The following SSBP2 variants were observed in gnomAD, a reference collection of about 807,000 sequenced individuals.
SSBP2 encodes single stranded DNA binding protein 2.
SSBP2 carries 17 observed loss-of-function variants against 61.8 expected under a neutral mutation model. That is an observed-to-expected ratio of 0.28 (90% CI 0.19 to 0.41). The LOEUF (loss-of-function observed/expected upper bound fraction) is 0.41, where lower values mean the gene tolerates loss of function less well. Among genes scored for constraint, SSBP2 ranks in the 10% least tolerant of loss-of-function variants. The probability of loss-of-function intolerance (pLI) is 1.00; values close to 1 mark genes in which losing one functional copy is unlikely to be tolerated. For missense variants in SSBP2, 310 were observed against 458.7 expected, an observed-to-expected ratio of 0.68 and a Z score of 2.96; for synonymous variants, 139 against 141.3, an observed-to-expected ratio of 0.98 and a Z score of 0.12.
intron 1 of SSBP2, among the ~76,000 whole-genome samples, chr5:81,749,646 C>T (rs1757585952): frequency 6.7e-6 from 1 of 149,814 alleles, no homozygotes; most frequent in African/African-American, 2.4e-5. Flanking sequence ...TACTGGGAAT[C>T]ACTGATCTGT....
At chr5:81,635,578 CA>C (rs943153255) in intron 3 of SSBP2, among the ~76,000 whole-genome samples, 5 of 144,254 alleles carry the variant, frequency 3.5e-5, no homozygotes, top group African/African-American at 1.3e-4. Flanking sequence ...TTGTAGAAAG[CA>C]ATTTTTTTTT....
chr5:81,488,042 T>TATATATATATATAC (rs1561459348), intron 6 of SSBP2, among the ~76,000 whole-genome samples: 2 of 24,458 alleles, frequency 8.2e-5, no homozygotes, highest in African/African-American at 1.6e-3. Context: ...TATATATATA[T>TATATATATATATAC]ATATATATAT....
chr5:81,586,910 C>A (rs1775099339), intron 4 of SSBP2, among the ~76,000 whole-genome samples: 1 of 151,930 alleles, frequency 6.6e-6, no homozygotes, highest in Non-Finnish European at 1.5e-5. Context: ...CTTGGGCGCT[C>A]AGTCTCTAGG....
chr5:81,515,409 C>A (rs1301831698), intron 4 of SSBP2, among the ~76,000 whole-genome samples: 1 of 151,972 alleles, frequency 6.6e-6, no homozygotes, highest in African/African-American at 2.4e-5. Context: ...GGAAATCACA[C>A]TCACCTGTAC....
intron 1 of SSBP2, among the ~76,000 whole-genome samples, chr5:81,677,813 G>T (rs930050816): frequency 2.8e-5 from 4 of 144,578 alleles, no homozygotes; most frequent in African/African-American, 7.8e-5. Flanking sequence ...CAGACATCTT[G>T]TCCCACCTTA....
intron 4 of SSBP2, among the ~76,000 whole-genome samples, chr5:81,545,953 C>T (rs1580983553): frequency 6.6e-6 from 1 of 152,186 alleles, no homozygotes; most frequent in East Asian, 1.9e-4. Flanking sequence ...CCTTCCCTTC[C>T]TTTTCCCTAA....
chr5:81,552,582 G>C (rs955005090), intron 4 of SSBP2, among the ~76,000 whole-genome samples: 1 of 150,518 alleles, frequency 6.6e-6, no homozygotes, highest in African/African-American at 2.5e-5. Context: ...AGGATGCAGT[G>C]AGCTGAGATC....
At chr5:81,526,787 T>C (rs1325447893) in intron 4 of SSBP2, among the ~76,000 whole-genome samples, 1 of 151,920 alleles carries the variant, frequency 6.6e-6, no homozygotes. Context: ...CTTATAATCT[T>C]GGAGGTGAAA....
intron 1 of SSBP2, among the ~76,000 whole-genome samples, chr5:81,728,014 G>A (rs1240954888): frequency 6.6e-6 from 1 of 152,146 alleles, no homozygotes; most frequent in South Asian, 2.1e-4. Context: ...AGGTGTCACA[G>A]GGCTAGCATA....
At chr5:81,676,092 G>A (rs559511915) in intron 1 of SSBP2, among the ~76,000 whole-genome samples, 5 of 152,224 alleles carry the variant, frequency 3.3e-5, no homozygotes, top group South Asian at 2.1e-4. Context: ...AAATGCCATC[G>A]CTTCTCTGTT....
rs1281071744 is a variant in SSBP2, at chr5:81,460,980, A to G, written c.687+75T>C. The G allele has an allele frequency of 6.2e-6, 6 of 963,940 alleles. No individual in the cohort carries two copies. The East Asian group carries it at 2.0e-4, about 32-fold the overall frequency. 59.7% of individuals were successfully genotyped at this position (963,940 alleles called of 1,614,324 possible). On this transcript the variant is annotated intron_variant, in intron 10 of 16. Transcript: ENST00000320672. ...TACAACCAATTGCAAAGCTTTCAAA[A>G]GCAAAATGTTTTTGTGATTTTTGTT...
intron 4 of SSBP2, among the ~76,000 whole-genome samples, chr5:81,569,069 G>A (rs1282088450): frequency 1.3e-5 from 2 of 152,102 alleles, no homozygotes; most frequent in Non-Finnish European, 2.9e-5. Context: ...TTACTAATTT[G>A]GGTCTTAGAG....
intron 10 of SSBP2, among the ~76,000 whole-genome samples, chr5:81,454,634 T>C (rs537554518): frequency 1.9e-4 from 29 of 151,996 alleles, no homozygotes; most frequent in African/African-American, 4.1e-4. Flanking sequence ...TGAGCCGAGA[T>C]TGTGCCACTG....
intron 3 of SSBP2, among the ~76,000 whole-genome samples, chr5:81,622,120 T>TAAA (rs76185243): frequency 2.4e-5 from 3 of 127,040 alleles, no homozygotes; most frequent in African/African-American, 2.9e-5. Flanking sequence ...AAAAAAAAAT[T>TAAA]AAAAAAAAAA....
intron 1 of SSBP2, among the ~76,000 whole-genome samples, chr5:81,723,380 TC>T (rs1755668243): frequency 6.6e-6 from 1 of 151,906 alleles, no homozygotes; most frequent in African/African-American, 2.4e-5. Flanking sequence ...CAAATTAATT[TC>T]CCCCAACTCC....
intron 15 of SSBP2, among the ~76,000 whole-genome samples, chr5:81,434,485 C>T (rs1762541616): frequency 1.3e-5 from 2 of 151,720 alleles, no homozygotes; most frequent in Non-Finnish European, 2.9e-5. Flanking sequence ...GGAGAAACTC[C>T]GTCTCTACAG....
Position 81,419,976 on chromosome 5 carries a change from T to C in SSBP2, c.*528A>G, listed in dbSNP as rs1761495449. On this transcript the variant is annotated 3_prime_UTR_variant, in exon 17 of 17. Transcript: ENST00000320672. ...TAAGCGATTTTATTCCTATCCATGA[T>C]TGCAGACATTTACAAAACCATAACA... The C allele has an allele frequency of 6.6e-6, 1 of 152,622 alleles. No homozygotes were observed. Among genetic ancestry groups the C allele is most frequent in the African/African-American group, 2.4e-5 (1 of 41,434 alleles). 9.5% of individuals were successfully genotyped at this position (152,622 alleles called of 1,614,324 possible). A position where few individuals can be genotyped will look rare whatever the true frequency, so the allele number is the denominator to read the frequency against.
At chr5:81,475,962 C>T (rs1200908349) in intron 6 of SSBP2, among the ~76,000 whole-genome samples, 1 of 152,032 alleles carries the variant, frequency 6.6e-6, no homozygotes, top group African/African-American at 2.4e-5. Flanking sequence ...TGTATAATTT[C>T]ACATGTATAA....
chr5:81,727,095 G>A (rs923322601), intron 1 of SSBP2, among the ~76,000 whole-genome samples: 8 of 152,152 alleles, frequency 5.3e-5, no homozygotes, highest in African/African-American at 9.7e-5. Context: ...AAATAGTGCC[G>A]ACTTTAGTTA....
Sources: gnomAD v4.1 joint callset for allele counts (sites outside exome capture counted in the v4.1 genomes callset) on GRCh38, gnomAD v4.1.1 for gene constraint, MANE v1.5 for transcripts, NCBI Gene and HGNC (gene_info 2026-07-23, HGNC 2026-07-21) for gene names.